JAK2: variants seen among roughly 807,000 people sequenced by gnomAD.
JAK2 encodes Janus kinase 2.
Under a neutral mutation model 139.3 loss-of-function variants are expected in JAK2, and 86 were observed. The observed-to-expected ratio is 0.62, with a 90% confidence interval of 0.52 to 0.74. The LOEUF (loss-of-function observed/expected upper bound fraction) is 0.74, where lower values mean the gene tolerates loss of function less well. Among genes scored for constraint, JAK2 ranks in the 30% least tolerant of loss-of-function variants. The probability of loss-of-function intolerance (pLI) is 0.00; values close to 1 mark genes in which losing one functional copy is unlikely to be tolerated. For missense variants in JAK2, 1,421 were observed against 1,360.3 expected (o/e 1.04, Z -0.70); for synonymous variants, 490 against 437.7 (o/e 1.12, Z -1.49).
intron 4 of JAK2, among the ~76,000 whole-genome samples, chr9:5,031,033 A>T (rs1156717526): frequency 6.6e-6 from 1 of 152,186 alleles, no homozygotes; most frequent in Non-Finnish European, 1.5e-5. Flanking sequence ...GGTCTTAATA[A>T]GAAAAAACAG....
At chr9:5,105,082 T>G (rs901223681) in intron 22 of JAK2, among the ~76,000 whole-genome samples, 6 of 151,868 alleles carry the variant, frequency 4.0e-5, no homozygotes, top group African/African-American at 1.4e-4. Context: ...GAGAAAGAAA[T>G]AAAGGGTATT....
At chr9:4,986,409 A>T (rs1407213892) in intron 2 of JAK2, among the ~76,000 whole-genome samples, 1 of 152,140 alleles carries the variant, frequency 6.6e-6, no homozygotes, top group Non-Finnish European at 1.5e-5. Context: ...CTGCTACCAC[A>T]TTGAATGTTT....
intron 2 of JAK2, among the ~76,000 whole-genome samples, chr9:5,002,989 G>C (rs1355446741): frequency 6.6e-6 from 1 of 151,938 alleles, no homozygotes; most frequent in East Asian, 1.9e-4. Context: ...GTTTTGAAAT[G>C]ACCAATATTT....
At chr9:4,998,263 G>T (rs550465275) in intron 2 of JAK2, among the ~76,000 whole-genome samples, 431 of 151,966 alleles carry the variant, frequency 2.8e-3, no homozygotes, top group African/African-American at 1.0e-2. Flanking sequence ...GGGTTTTTTT[G>T]TTGTTGTTGT....
intron 13 of JAK2, 62 bp from the exon 14 acceptor site, chr9:5,073,636 T>C (rs1819120968): frequency 3.3e-6 from 4 of 1,221,448 alleles, no homozygotes; most frequent in East Asian, 2.3e-5. Context: ...CAGAGAGAAT[T>C]TTCTGAACTA....
intron 2 of JAK2, among the ~76,000 whole-genome samples, chr9:5,004,730 T>C (rs1241096949): frequency 6.6e-6 from 1 of 152,150 alleles, no homozygotes; most frequent in East Asian, 1.9e-4. Context: ...CTGTAAAAAT[T>C]TACATTTTCC....
chr9:5,097,253 C>T (rs1821072888), intron 22 of JAK2: 1 of 152,228 alleles, frequency 6.6e-6, no homozygotes, highest in Non-Finnish European at 1.5e-5. Flanking sequence ...TCCTTTCTCT[C>T]TCAGTCCTAG....
intron 2 of JAK2, among the ~76,000 whole-genome samples, chr9:4,997,402 G>C (rs922613011): frequency 1.3e-5 from 2 of 152,174 alleles, no homozygotes; most frequent in African/African-American, 2.4e-5. Context: ...AAAGCTAAGA[G>C]GGAGCAGGAA....
At chr9:5,093,322 G>C (rs1820729272) in intron 22 of JAK2, among the ~76,000 whole-genome samples, 1 of 152,158 alleles carries the variant, frequency 6.6e-6, no homozygotes, top group Non-Finnish European at 1.5e-5. Flanking sequence ...AGTATTAGAG[G>C]CACTGCCTGC....
intron 4 of JAK2, chr9:5,041,744 C>T: frequency 2.0e-6 from 1 of 492,546 alleles, no homozygotes; most frequent in South Asian, 1.5e-5. Flanking sequence ...TGGCGACCCC[C>T]ATCAGCAGTG....
At chr9:5,018,817 C>T (rs1822232557) in intron 2 of JAK2, among the ~76,000 whole-genome samples, 2 of 152,158 alleles carry the variant, frequency 1.3e-5, no homozygotes. Context: ...TTTCTTTCAG[C>T]ACTTTTCATA....
chr9:4,993,006 T>C (rs1322001361), intron 2 of JAK2, among the ~76,000 whole-genome samples: 2 of 152,164 alleles, frequency 1.3e-5, no homozygotes, highest in Non-Finnish European at 1.5e-5. Context: ...TTTGTAAGAG[T>C]AGCTTTCTGA....
chr9:5,073,305 A>G (rs1279804196), intron 13 of JAK2, among the ~76,000 whole-genome samples: 2 of 152,212 alleles, frequency 1.3e-5, no homozygotes, highest in Non-Finnish European at 2.9e-5. Flanking sequence ...TTTTATCTGC[A>G]CATTCTTAAT....
Position 5,077,591 on chromosome 9 carries a change from C to A in JAK2, c.1992+11C>A. 3 of 1,453,662 alleles carry A rather than the reference C, an allele frequency of 2.1e-6. No homozygotes were observed. The highest frequency in any genetic ancestry group is 1.8e-6 in the Non-Finnish European group (2 of 1,098,412). 90.0% of individuals were successfully genotyped at this position (1,453,662 alleles called of 1,614,324 possible). ...GCCATGCATTTTCTAGTAAGTAGTA[C>A]AACCTTTTTATCAAAAGATACTATT... On this transcript the variant is annotated intron_variant, in intron 15 of 24. Transcript: ENST00000381652.
chr9:5,047,855 C>A (rs1817125639), intron 5 of JAK2, among the ~76,000 whole-genome samples: 1 of 152,066 alleles, frequency 6.6e-6, no homozygotes, highest in South Asian at 2.1e-4. Context: ...CCTACCTCAG[C>A]CTCCCAAAGT....
At chr9:5,089,201 A>C (rs1820366392) in intron 19 of JAK2, among the ~76,000 whole-genome samples, 4 of 152,198 alleles carry the variant, frequency 2.6e-5, no homozygotes. Flanking sequence ...CTGTTGAGAT[A>C]GTATTTCCTT....
intron 23 of JAK2, 100 bp downstream of exon 23, chr9:5,123,221 A>G (rs1564027196): frequency 1.4e-6 from 1 of 698,618 alleles, no homozygotes; most frequent in East Asian, 2.6e-5. Flanking sequence ...CATACATTGC[A>G]TAGTGGTGAA....
intron 2 of JAK2, among the ~76,000 whole-genome samples, chr9:5,021,097 C>T (rs534566402): frequency 6.6e-6 from 1 of 152,244 alleles, no homozygotes; most frequent in African/African-American, 2.4e-5. Context: ...CACTGGGAGT[C>T]TCTCACTTAC....
At chr9:5,121,043 T>C (rs543480906) in intron 22 of JAK2, among the ~76,000 whole-genome samples, 2 of 152,138 alleles carry the variant, frequency 1.3e-5, no homozygotes, top group Non-Finnish European at 2.9e-5. Flanking sequence ...GGAAAGTTTT[T>C]AACCAAGAGA....
Sources: gnomAD v4.1 joint callset for allele counts (sites outside exome capture counted in the v4.1 genomes callset) on GRCh38, gnomAD v4.1.1 for gene constraint, MANE v1.5 for transcripts, NCBI Gene and HGNC (gene_info 2026-07-23, HGNC 2026-07-21) for gene names.